CIB3: variants seen among roughly 807,000 people sequenced by gnomAD.
CIB3 encodes calcium and integrin-binding family member 3.
A neutral mutation model predicts 23.4 loss-of-function variants in CIB3; 22 were observed. That is an observed-to-expected ratio of 0.94 (90% CI 0.67 to 1.34). CIB3 has a LOEUF of 1.34. Ranked by LOEUF, CIB3 falls within the 40% of genes most tolerant of loss-of-function variation. CIB3 has a pLI of 0.00. For missense variants in CIB3, 258 were observed against 247.3 expected, an observed-to-expected ratio of 1.04 and a Z score of -0.29; for synonymous variants, 93 against 95.8, an observed-to-expected ratio of 0.97 and a Z score of 0.17.
intron 5 of CIB3, 135 bp downstream of exon 5, chr19:16,164,583 A>G: frequency 1.2e-6 from 1 of 837,622 alleles, no homozygotes; most frequent in South Asian, 1.8e-5. Flanking sequence ...GACTGAGACT[A>G]GGGAAATTGA....
rs144986602 is a variant in CIB3 at position 16,173,442 on chromosome 19, G to A, written c.34C>T (p.Gln12Ter). 326 of 1,613,908 alleles carry A rather than the reference G, an allele frequency of 2.0e-4. 1 individual carries two copies. The highest frequency in any genetic ancestry group is 2.3e-4 in the Non-Finnish European group (266 of 1,179,916). Residue 12 changes from glutamine to a stop codon, truncating the protein, a stop_gained, in exon 1 of 6, where the codon CAG becomes TAG. Transcript: ENST00000269878. LOFTEE classifies it high-confidence loss of function. The part of the protein sequence containing the change: ...GNKQTVFTHE[Q>*]LEAYQDCTFF... ...CCCTCTACCTGATACGCTTCCAGCT[G>A]CTCGTGTGTGAAGACTGTCTGCTTG...
intron 2 of CIB3, among the ~76,000 whole-genome samples, chr19:16,170,269 A>C (rs1014206711): frequency 1.3e-5 from 2 of 152,122 alleles, no homozygotes; most frequent in African/African-American, 4.8e-5. Flanking sequence ...GGACAAAGGG[A>C]GACTGGACTG....
At chr19:16,169,597 T>C in intron 3 of CIB3, 33 bp downstream of exon 3, 1 of 1,583,098 alleles carries the variant, frequency 6.3e-7, no homozygotes. Flanking sequence ...CTCTACTATT[T>C]TTTACCCTGT....
intron 5 of CIB3, among the ~76,000 whole-genome samples, chr19:16,164,394 C>T (rs1049711576): frequency 6.6e-6 from 1 of 152,226 alleles, no homozygotes; most frequent in Admixed American, 6.5e-5. Flanking sequence ...GTACTTTGCC[C>T]TGCAGTGGCG....
At position 16,164,845 on chromosome 19, in the gene CIB3, C is replaced by T. The variant is rs200526470; in HGVS notation, c.415G>A (p.Gly139Arg). ...EQTVTKLTRG[G>R]LSAEEVSLVC... is the part of the protein sequence containing the mutation. ...AGGCTCACCTCCTCGGCACTCAGCCCCCCCCGCGTCAGTTTGGTCACCGTC... is the reference window on the plus strand; with the variant it reads ...AGGCTCACCTCCTCGGCACTCAGCCTCCCCCGCGTCAGTTTGGTCACCGTC... Residue 139 changes from glycine (G) to arginine (R), a missense_variant, in exon 5 of 6, where the codon GGG becomes AGG. Coordinates refer to ENST00000269878, the MANE Select transcript of CIB3 (RefSeq NM_054113.4). 7.0e-5 allele frequency: 113 copies of T among 1,612,976 alleles called. No homozygotes were observed. The highest frequency in any genetic ancestry group is 9.1e-5 in the Non-Finnish European group (107 of 1,179,406).
At chr19:16,169,973 T>C (rs1024166582) in intron 2 of CIB3, among the ~76,000 whole-genome samples, 1 of 152,170 alleles carries the variant, frequency 6.6e-6, no homozygotes, top group African/African-American at 2.4e-5. Flanking sequence ...CTAATTCTTT[T>C]GTATTTTTAG....
Position 16,169,736 on chromosome 19 carries a change from A to G in CIB3, c.92T>C (p.Phe31Ser). ...FFTRKEIMRL[F>S]YRYQDLAPQL... is the part of the protein sequence containing the mutation. ...TGGGGCCAGGTCCTGGTAGCGATAGAAGAGCCTGATGTGGGGAGGAAAAAG... is the reference window on the plus strand; with the variant it reads ...TGGGGCCAGGTCCTGGTAGCGATAGGAGAGCCTGATGTGGGGAGGAAAAAG... The change falls in exon 3 of 6, where the codon TTC (phenylalanine) becomes TCC (serine). Residue 31 changes from phenylalanine to serine, a missense_variant. Physicochemically the swap from Phe to Ser is radical, Grantham distance 155 (BLOSUM62 -2). Coordinates refer to ENST00000269878, the MANE Select transcript of CIB3 (RefSeq NM_054113.4). 6.2e-7 allele frequency: 1 copy of G among 1,607,642 alleles called. No homozygotes were observed. Among genetic ancestry groups the G allele is most frequent in the Non-Finnish European group, 8.5e-7 (1 of 1,176,898 alleles).
intron 2 of CIB3, 76 bp downstream of exon 2, chr19:16,173,082 ACACC>A (rs2145087950): frequency 1.9e-6 from 3 of 1,545,136 alleles, no homozygotes; most frequent in Non-Finnish European, 2.7e-6. Flanking sequence ...ACACACACAC[ACACC>A]AAATTGCAAA....
In CIB3 at chr19:16,168,197, A is replaced by G. The variant is rs1283042089; in HGVS notation, c.286T>C (p.Ser96Pro). The part of the protein sequence containing the change: ...MTLDNFLDMF[S>P]VMSEMAPRDL... Reference sequence around the variant, plus strand: ...CGGGGAGCCATTTCACTCATCACGGAAAACATGTCCAAAAAGTTGTCCAGG... The same window carrying G: ...CGGGGAGCCATTTCACTCATCACGGGAAACATGTCCAAAAAGTTGTCCAGG... Residue 96 changes from serine (S) to proline (P), a missense_variant, in exon 4 of 6, where the codon TCC becomes CCC. Physicochemically the swap from Ser to Pro is moderately conservative, Grantham distance 74. Transcript: ENST00000269878. 1 of 1,613,294 alleles carries G rather than the reference A, an allele frequency of 6.2e-7. No homozygotes were observed. Among genetic ancestry groups the G allele is most frequent in the South Asian group, 1.1e-5 (1 of 90,742 alleles).
intron 4 of CIB3, among the ~76,000 whole-genome samples, chr19:16,166,219 GAGTGGA>G (rs2091305266): frequency 1.3e-5 from 2 of 152,116 alleles, no homozygotes; most frequent in South Asian, 4.1e-4. Flanking sequence ...TGAACCCAGG[GAGTGGA>G]AGTTGCAGTG....
At chr19:16,164,680 T>C in intron 5 of CIB3, 38 bp downstream of exon 5, 1 of 1,577,276 alleles carries the variant, frequency 6.3e-7, no homozygotes, top group Non-Finnish European at 8.7e-7. Context: ...CCCCTTCAGA[T>C]GTGCAAATGG....
At chr19:16,172,777 C>A (rs893941992) in intron 2 of CIB3, among the ~76,000 whole-genome samples, 4 of 151,616 alleles carry the variant, frequency 2.6e-5, no homozygotes, top group African/African-American at 9.7e-5. Context: ...TAGTGAGAGC[C>A]CCATCTCTAT....
rs13344340 is a variant in CIB3 at position 16,171,242 on chromosome 19, C to T, written c.87-1501G>A. Among the ~76,000 whole-genome samples the T allele has an allele frequency of 3.6e-3, 541 of 152,014 alleles. 5 individuals carry two copies. Among genetic ancestry groups the T allele is most frequent in the African/African-American group, 0.013 (522 of 41,446 alleles). On this transcript the variant is annotated intron_variant, in intron 2 of 5. Transcript: ENST00000269878. ...AATGGGGCAGAGCAGAGACAAACAG[C>T]TAATAGTCACATTTTTTCTAAAGGG... is the stretch of plus-strand genomic sequence containing the variant.
rs2091313435 is a variant in CIB3 at position 16,168,186 on chromosome 19, A to G, written c.297T>C (p.Ser99=). 6.2e-7 allele frequency: 1 copy of G among 1,612,552 alleles called. No individual in the cohort carries two copies. Among genetic ancestry groups the G allele is most frequent in the Non-Finnish European group, 8.5e-7 (1 of 1,179,468 alleles). The change falls in exon 4 of 6, where the codon AGT becomes AGC. Residue 99 remains serine, a synonymous_variant. Coordinates refer to ENST00000269878, the MANE Select transcript of CIB3 (RefSeq NM_054113.4). ...CCTTGAGGTCGCGGGGAGCCATTTC[A>G]CTCATCACGGAAAACATGTCCAAAA... is the stretch of plus-strand genomic sequence containing the variant. ...DNFLDMFSVM[S]EMAPRDLKAY... is the part of the protein sequence containing the mutation.
At chr19:16,173,261 C>T (rs760787386) in intron 1 of CIB3, 65 bp from the exon 2 acceptor site, 2 of 1,610,424 alleles carry the variant, frequency 1.2e-6, no homozygotes, top group Non-Finnish European at 1.7e-6. Flanking sequence ...CGGCCTCCTC[C>T]CTCCACCCCA....
chr19:16,171,642 C>A (rs1336081563), intron 2 of CIB3, among the ~76,000 whole-genome samples: 1 of 152,296 alleles, frequency 6.6e-6, no homozygotes, highest in South Asian at 2.1e-4. Context: ...GTTATTCTAT[C>A]TGATAAGCAA....
At chr19:16,172,639 C>T (rs1568339106) in intron 2 of CIB3, among the ~76,000 whole-genome samples, 1 of 152,102 alleles carries the variant, frequency 6.6e-6, no homozygotes, top group Non-Finnish European at 1.5e-5. Flanking sequence ...CCCCCTTCCC[C>T]ATTTGAGTCC....
chr19:16,173,050 A>G lies in CIB3; in HGVS notation c.86+112T>C, dbSNP rs887086637. The stretch of plus-strand genomic sequence containing the variant: ...AGAAAGAAAGACTACTTACACACAC[A>G]CACACACACACACACACACACACAC... On this transcript the variant is annotated intron_variant, in intron 2 of 5. Transcript: ENST00000269878. 2.7e-5 allele frequency: 27 copies of G among 1,007,382 alleles called. No homozygotes were observed. The South Asian group carries it at 3.2e-4, about 12-fold the overall frequency. The allele number at this position is 1,007,382 out of a possible 1,614,324, so 62.4% of individuals were successfully genotyped here.
At chr19:16,161,867 G>A (rs943445796) in intron 5 of CIB3, among the ~76,000 whole-genome samples, 29 of 151,348 alleles carry the variant, frequency 1.9e-4, no homozygotes, top group Admixed American at 5.9e-4. Context: ...CAGTAGAAAC[G>A]GAGTTTCTCA....
Sources: allele counts gnomAD v4.1 joint callset (sites outside exome capture counted in the v4.1 genomes callset), GRCh38; gene constraint gnomAD v4.1.1; transcripts MANE v1.5; gene names NCBI Gene and HGNC (gene_info 2026-07-23, HGNC 2026-07-21).